Variants in RBKS observed in about 807,000 individuals in gnomAD.
RBKS encodes ribokinase.
In RBKS, 33 loss-of-function variants were observed where a neutral mutation model predicts 33.9. That is an observed-to-expected ratio of 0.97 (90% CI 0.74 to 1.30). The LOEUF is 1.30. Among genes scored for constraint, RBKS ranks in the 50% most tolerant of loss-of-function variants. RBKS has a pLI of 0.00. For synonymous variants in RBKS, 125 were observed against 143.0 expected (o/e 0.87, Z 0.90); for missense variants, 361 against 392.6 (o/e 0.92, Z 0.68).
chr2:27,803,069 A>G (rs1406518462), intron 7 of RBKS, among the ~76,000 whole-genome samples: 5 of 152,014 alleles, frequency 3.3e-5, no homozygotes, highest in South Asian at 2.1e-4. Context: ...GCCTCAAGTG[A>G]TCCTCCTGCC....
intron 1 of RBKS, among the ~76,000 whole-genome samples, chr2:27,860,413 T>C (rs1322989985): frequency 6.6e-6 from 1 of 152,116 alleles, no homozygotes; most frequent in Non-Finnish European, 1.5e-5. Context: ...AAAGAAAAAA[T>C]ATACCATGTG....
chr2:27,868,421 G>A (rs2148224917), intron 1 of RBKS, among the ~76,000 whole-genome samples: 1 of 152,256 alleles, frequency 6.6e-6, no homozygotes, highest in Middle Eastern at 3.4e-3. Flanking sequence ...GTTAGGGGTT[G>A]AGCTAATTTT....
chr2:27,890,333 C>A lies in RBKS; in HGVS notation c.13G>T (p.Gly5Trp), dbSNP rs901583294. The change falls in exon 1 of 8, where the codon GGG becomes TGG. Residue 5 changes from glycine (G) to tryptophan (W), a missense_variant. Coordinates refer to ENST00000302188, the MANE Select transcript of RBKS (RefSeq NM_022128.3). This position sits in a 1 kb window ranked among gnomAD's most constrained non-coding sequence, Gnocchi z 4.8. MAAS[G>W]EPQRQWQEEV... ...TCTTGCCACTGCCTCTGGGGTTCCC[C>A]AGACGCCGCCATCGCTCAAAGGTGC... 1.2e-6 allele frequency: 2 copies of A among 1,613,600 alleles called. No homozygotes were observed. Among genetic ancestry groups the A allele is most frequent in the South Asian group, 2.2e-5 (2 of 91,078 alleles).
At chr2:27,811,573 C>T (rs1677985702) in intron 7 of RBKS, among the ~76,000 whole-genome samples, 2 of 152,138 alleles carry the variant, frequency 1.3e-5, no homozygotes, top group African/African-American at 4.8e-5. Flanking sequence ...TGATCACTGC[C>T]TGTGAAGAAA....
chr2:27,802,215 C>A (rs1317200457), intron 7 of RBKS, among the ~76,000 whole-genome samples: 1 of 151,200 alleles, frequency 6.6e-6, no homozygotes, highest in East Asian at 1.9e-4. Flanking sequence ...TGGTGCTACA[C>A]CATTCATGAG....
chr2:27,862,025 G>A (rs1165073729), intron 1 of RBKS, among the ~76,000 whole-genome samples: 1 of 146,288 alleles, frequency 6.8e-6, no homozygotes, highest in African/African-American at 2.6e-5. Context: ...ATGGCTCACT[G>A]GAGCCTCAAC....
intron 1 of RBKS, among the ~76,000 whole-genome samples, chr2:27,881,847 G>C (rs533419327): frequency 6.6e-6 from 1 of 152,246 alleles, no homozygotes; most frequent in East Asian, 1.9e-4. Flanking sequence ...AGATAGTGCT[G>C]GAATAACTGG....
At position 27,876,473 on chromosome 2, in the gene RBKS, G is replaced by A. The variant is rs181517560; in HGVS notation, c.89+13784C>T. Among the ~76,000 whole-genome samples the A allele has an allele frequency of 3.3e-5, 5 of 152,182 alleles. No homozygotes were observed. The East Asian group carries it at 9.6e-4, about 29-fold the overall frequency. On this transcript the variant is annotated intron_variant, in intron 1 of 7. Coordinates refer to ENST00000302188, the MANE Select transcript of RBKS (RefSeq NM_022128.3). ...GAGGCTCTGTGCATTTTTTCTTTAT[G>A]CTTAAATTTAGATAATCTCTATTAC...
At chr2:27,797,019 C>T (rs968512381) in intron 7 of RBKS, among the ~76,000 whole-genome samples, 3 of 152,188 alleles carry the variant, frequency 2.0e-5, no homozygotes, top group African/African-American at 7.2e-5. Flanking sequence ...TAAGGCTCTG[C>T]TCTCTAATAA....
At chr2:27,848,528 G>C (rs1433654239) in intron 2 of RBKS, among the ~76,000 whole-genome samples, 1 of 152,198 alleles carries the variant, frequency 6.6e-6, no homozygotes, top group Non-Finnish European at 1.5e-5. Flanking sequence ...TAGAGGCAAA[G>C]AGAAGGAAAT....
At chr2:27,876,020 G>C (rs1664308982) in intron 1 of RBKS, among the ~76,000 whole-genome samples, 1 of 152,150 alleles carries the variant, frequency 6.6e-6, no homozygotes, top group African/African-American at 2.4e-5. Context: ...ACTTTACAAA[G>C]AAGATGCAAG....
rs759975777 is a variant in RBKS at position 27,827,675 on chromosome 2, G to C, written c.687C>G (p.Cys229Trp). 23 of 1,613,554 alleles carry C rather than the reference G, an allele frequency of 1.4e-5. No homozygotes were observed. Among genetic ancestry groups the C allele is most frequent in the Non-Finnish European group, 1.7e-5 (20 of 1,179,842 alleles). The change falls in exon 7 of 8, where the codon TGC (cysteine) becomes TGG (tryptophan). Residue 229 changes from cysteine (C) to tryptophan (W), a missense_variant. Cys to Trp is a radical substitution (Grantham distance 215, BLOSUM62 -2). Coordinates refer to ENST00000302188, the MANE Select transcript of RBKS (RefSeq NM_022128.3). ...CCCCTAAGGTAATGATTACCACCTGGCAGCCCCTTTTCAAGAGCACTAATG... is the reference window on the plus strand; with the variant it reads ...CCCCTAAGGTAATGATTACCACCTGCCAGCCCCTTTTCAAGAGCACTAATG... The part of the protein sequence containing the change: ...EAALVLLKRG[C>W]QVVIITLGAE...
At chr2:27,842,265 T>G (rs746150904) in intron 5 of RBKS, among the ~76,000 whole-genome samples, 21 of 151,900 alleles carry the variant, frequency 1.4e-4, no homozygotes, top group Non-Finnish European at 2.1e-4. Flanking sequence ...GAGGAGTGAG[T>G]GGGAGAAAAG....
intron 4 of RBKS, among the ~76,000 whole-genome samples, chr2:27,845,715 C>T (rs998940541): frequency 3.3e-5 from 5 of 152,064 alleles, no homozygotes; most frequent in South Asian, 2.1e-4. Context: ...TCACTAAAGC[C>T]GAGTTAAAAA....
chr2:27,839,983 CA>C (rs1573057499), intron 5 of RBKS, among the ~76,000 whole-genome samples: 1 of 151,554 alleles, frequency 6.6e-6, no homozygotes, highest in East Asian at 1.9e-4. Context: ...TCACAATTCC[CA>C]AACCAATGGT....
chr2:27,825,996 G>C lies in RBKS; in HGVS notation c.795+1571C>G, dbSNP rs574821290. Among the ~76,000 whole-genome samples the C allele has an allele frequency of 1.5e-4, 23 of 152,282 alleles. 1 individual carries two copies. The South Asian group carries it at 4.6e-3, about 30-fold the overall frequency. ...TTAGTCTAATGGCGGATTGATTTCAGAACTAAGGATCCCCTCAAATTCAGG... is the reference window on the plus strand; with the variant it reads ...TTAGTCTAATGGCGGATTGATTTCACAACTAAGGATCCCCTCAAATTCAGG... On this transcript the variant is annotated intron_variant, in intron 7 of 7. Transcript: ENST00000302188.
chr2:27,805,579 A>T (rs1030980633), intron 7 of RBKS, among the ~76,000 whole-genome samples: 8 of 151,814 alleles, frequency 5.3e-5, no homozygotes, highest in Non-Finnish European at 1.5e-5. Flanking sequence ...TGTATTTTTT[A>T]TTTTCATTTT....
intron 7 of RBKS, among the ~76,000 whole-genome samples, chr2:27,818,781 C>G (rs1558540753): frequency 6.6e-6 from 1 of 152,114 alleles, no homozygotes. Flanking sequence ...TCAGAGGTGC[C>G]TCAGAGATCA....
chr2:27,781,844 C>G (rs763607485), intron 7 of RBKS, 56 bp from the exon 8 acceptor site: 1 of 1,426,572 alleles, frequency 7.0e-7, no homozygotes, highest in East Asian at 2.3e-5. Context: ...GTTGCCCAAA[C>G]TGCATATTTT....
Sources: gnomAD v4.1 joint callset for allele counts (sites outside exome capture counted in the v4.1 genomes callset) on GRCh38, gnomAD v4.1.1 for gene constraint, Gnocchi (gnomAD v3.1) non-coding constraint, MANE v1.5 for transcripts, NCBI Gene and HGNC (gene_info 2026-07-23, HGNC 2026-07-21) for gene names.